The following GARIN5B variants were observed in gnomAD, a reference collection of about 807,000 sequenced individuals.
The protein encoded by GARIN5B is Golgi-associated RAB2 interactor protein 5B.
chr19:55,359,172 C>A, the GARIN5B span: 1 of 1,551,284 alleles, frequency 6.4e-7, no homozygotes, highest in Non-Finnish European at 8.7e-7. Context: ...GTTGGCAACA[C>A]GTCAAAATCG....
At chr19:55,362,172 G>T in the GARIN5B span, 1 of 1,437,306 alleles carries the variant, frequency 7.0e-7, no homozygotes, top group Non-Finnish European at 9.1e-7. Context: ...GCTCTTGGTC[G>T]CAGTCCCCTC....
chr19:55,355,812 C>T, the GARIN5B span, among the ~76,000 whole-genome samples: 2 of 151,966 alleles, frequency 1.3e-5, no homozygotes, highest in Admixed American at 1.3e-4. Flanking sequence ...ATGGTGAAAC[C>T]CCATCTCTAC....
the GARIN5B span, among the ~76,000 whole-genome samples, chr19:55,356,142 C>G: frequency 2.6e-5 from 4 of 151,564 alleles, no homozygotes; most frequent in East Asian, 7.8e-4. Context: ...TTTGGGAAGC[C>G]GGATGGATCA....
the GARIN5B span, chr19:55,358,263 C>T: frequency 6.4e-7 from 1 of 1,551,114 alleles, no homozygotes; most frequent in Admixed American, 2.0e-5. Context: ...GACGACCCCA[C>T]AGTGGCCAGG....
chr19:55,359,259 G>T, the GARIN5B span: 1 of 1,551,140 alleles, frequency 6.4e-7, no homozygotes, highest in African/African-American at 1.4e-5. Context: ...AGAGCCTTCT[G>T]GGATGGGGCA....
At chr19:55,357,255 A>C in the GARIN5B span, among the ~76,000 whole-genome samples, 3 of 151,770 alleles carry the variant, frequency 2.0e-5, no homozygotes, top group Admixed American at 1.3e-4. Context: ...TACATCCTCC[A>C]TGCCCCAGCC....
At chr19:55,355,184 C>A in the GARIN5B span, 1 of 94,300 alleles carries the variant, frequency 1.1e-5, no homozygotes, top group African/African-American at 4.1e-5. Flanking sequence ...CGTTACCCGC[C>A]CCCCCCACCC....
chr19:55,359,261 G>C, the GARIN5B span: 20 of 1,550,952 alleles, frequency 1.3e-5, no homozygotes, highest in Non-Finnish European at 1.7e-5. Context: ...AGCCTTCTGG[G>C]ATGGGGCAGG....
chr19:55,357,736 C>T, the GARIN5B span, among the ~76,000 whole-genome samples: 1 of 152,226 alleles, frequency 6.6e-6, no homozygotes, highest in Admixed American at 6.5e-5. Context: ...ATGCCTGGCA[C>T]AGAGTCGGCA....
At chr19:55,357,257 G>GC in the GARIN5B span, among the ~76,000 whole-genome samples, 1 of 151,900 alleles carries the variant, frequency 6.6e-6, no homozygotes, top group South Asian at 2.1e-4. Flanking sequence ...CATCCTCCAT[G>GC]CCCCAGCCAG....
the GARIN5B span, chr19:55,362,282 G>A: frequency 1.0e-5 from 16 of 1,547,034 alleles, no homozygotes; most frequent in East Asian, 2.4e-5. Flanking sequence ...TTCGGCCAGC[G>A]GCATATCCAG....
chr19:55,362,450 C>A, the GARIN5B span: 1 of 1,549,740 alleles, frequency 6.5e-7, no homozygotes, highest in Non-Finnish European at 8.7e-7. Context: ...CAGCTTCAGG[C>A]GCCAGGCAGA....
chr19:55,363,079 G>A, the GARIN5B span: 1 of 1,492,772 alleles, frequency 6.7e-7, no homozygotes, highest in South Asian at 1.3e-5. This position sits in a 1 kb window ranked among gnomAD's most constrained non-coding sequence, Gnocchi z 4.0. Flanking sequence ...TGGCTGTGGT[G>A]GATGGGTACT....
chr19:55,355,201 C>T, the GARIN5B span: 3 of 119,110 alleles, frequency 2.5e-5, no homozygotes, highest in African/African-American at 9.6e-5. Context: ...ACCCTCCTCC[C>T]TCGCCCCCCT....
chr19:55,362,176 T>C, the GARIN5B span: 2 of 1,441,706 alleles, frequency 1.4e-6, no homozygotes, highest in South Asian at 3.0e-5. Context: ...TTGGTCGCAG[T>C]CCCCTCTGGA....
chr19:55,361,652 C>A, the GARIN5B span, among the ~76,000 whole-genome samples: 2 of 66,856 alleles, frequency 3.0e-5, no homozygotes, highest in Non-Finnish European at 4.3e-5. Context: ...GGGCCCCAGC[C>A]TCTCCTCCCT....
At chr19:55,362,963 T>C in the GARIN5B span, 11 of 1,497,176 alleles carry the variant, frequency 7.3e-6, no homozygotes, top group Admixed American at 2.0e-4. Flanking sequence ...GAGGGGCAGG[T>C]ACTCGCCCTT....
the GARIN5B span, chr19:55,359,658 A>T: frequency 3.9e-6 from 6 of 1,550,862 alleles, no homozygotes; most frequent in South Asian, 7.1e-5. Flanking sequence ...ACAAGGCCAG[A>T]TGGGGCCTTC....
the GARIN5B span, chr19:55,358,523 TCGCCCCA>T: frequency 1.2e-3 from 39 of 31,674 alleles, no homozygotes; most frequent in Non-Finnish European, 1.6e-3. Context: ...CTCCTTCATC[TCGCCCCA>T]TGGCTGCTCC....
Sources: allele counts gnomAD v4.1 joint callset (sites outside exome capture counted in the v4.1 genomes callset), GRCh38; gene constraint gnomAD v4.1.1; non-coding constraint Gnocchi (gnomAD v3.1); transcripts MANE v1.5; gene names NCBI Gene and HGNC (gene_info 2026-07-23, HGNC 2026-07-21).